Variants in PCM1 observed in about 807,000 individuals in gnomAD.
PCM1 encodes pericentriolar material 1 protein.
Under a neutral mutation model 241.9 loss-of-function variants are expected in PCM1, and 157 were observed. That is an observed-to-expected ratio of 0.65 (90% CI 0.57 to 0.74). The LOEUF (loss-of-function observed/expected upper bound fraction) is 0.74. Among genes scored for constraint, PCM1 ranks in the 30% least tolerant of loss-of-function variants. The pLI, the probability that PCM1 is intolerant of heterozygous loss-of-function variation, is 0.00. For synonymous variants in PCM1, 1,085 were observed against 784.9 expected (o/e 1.38, Z -6.39); for missense variants, 3,478 against 2,360.1 (o/e 1.47, Z -9.81).
chr8:18,024,784 AG>A (rs1375558814), intron 36 of PCM1, among the ~76,000 whole-genome samples: 1 of 152,208 alleles, frequency 6.6e-6, no homozygotes, highest in Non-Finnish European at 1.5e-5. Context: ...GAACAGGAGC[AG>A]GGTGAGAAAC....
chr8:18,003,113 T>C (rs1231539456), intron 29 of PCM1, among the ~76,000 whole-genome samples: 4 of 152,228 alleles, frequency 2.6e-5, no homozygotes, highest in Admixed American at 6.5e-5. Flanking sequence ...ACGCCACCTT[T>C]AACCTATGTA....
intron 10 of PCM1, chr8:17,956,043 A>C: frequency 4.1e-6 from 1 of 242,990 alleles, no homozygotes; most frequent in South Asian, 5.3e-5. Flanking sequence ...CCTCATCTGC[A>C]AAATAGGGAT....
chr8:18,024,786 G>A (rs2094043373), intron 36 of PCM1, among the ~76,000 whole-genome samples: 2 of 152,040 alleles, frequency 1.3e-5, no homozygotes, highest in Non-Finnish European at 2.9e-5. Flanking sequence ...ACAGGAGCAG[G>A]GTGAGAAACA....
chr8:17,940,299 G>A (rs902548855), intron 6 of PCM1: 3 of 506,012 alleles, frequency 5.9e-6, no homozygotes, highest in Admixed American at 6.9e-5. Context: ...AATGCTGTAT[G>A]TGTTCTTCTG....
Position 18,006,288 on chromosome 8 carries a change from C to T in PCM1, c.4853C>T (p.Ser1618Leu), listed in dbSNP as rs773017858. 3.7e-6 allele frequency: 6 copies of T among 1,610,352 alleles called. No individual in the cohort carries two copies. Among genetic ancestry groups the T allele is most frequent in the South Asian group, 1.1e-5 (1 of 90,848 alleles). ...GAGCACATGGATGAAGTATGCTCCT[C>T]GCAGCTTCTAACTTCAGTAAGGCGC... ...LKEHMDEVCS[S>L]QLLTSVRRMV... Residue 1618 changes from serine to leucine, a missense_variant, in exon 30 of 39, where the codon TCG (serine) becomes TTG (leucine). By Grantham distance (145) the Ser-to-Leu change is moderately radical. Transcript: ENST00000325083.
intron 36 of PCM1, among the ~76,000 whole-genome samples, chr8:18,022,734 C>A (rs2283113): frequency 0.61 from 92,110 of 152,062 alleles, 28,728 homozygotes; most frequent in Middle Eastern, 0.69. Flanking sequence ...GATTTAACAC[C>A]AATTAGGGAG....
At position 17,966,238 on chromosome 8, in the gene PCM1, T is replaced by A; in HGVS notation, c.3075+20T>A. 6.2e-7 allele frequency: 1 copy of A among 1,608,810 alleles called. No individual in the cohort carries two copies. The highest frequency in any genetic ancestry group is 8.5e-7 in the Non-Finnish European group (1 of 1,175,708). ...CAGCAGGTAAAATTTGCTATGAAAG[T>A]ATATTTTTCGTCTATTTTTATAACT... On this transcript the variant is annotated intron_variant, in intron 19 of 38. Coordinates refer to ENST00000325083, the MANE Select transcript of PCM1 (RefSeq NM_006197.4).
At chr8:18,015,186 T>TA (rs2093008424) in intron 36 of PCM1, among the ~76,000 whole-genome samples, 1 of 151,762 alleles carries the variant, frequency 6.6e-6, no homozygotes, top group African/African-American at 2.4e-5. Context: ...TCAATAAACT[T>TA]AAAGGTTTAC....
chr8:18,029,260 G>A lies in PCM1; in HGVS notation c.*1598G>A, dbSNP rs886197554. The A allele has an allele frequency of 1.0e-5, 2 of 193,200 alleles. No homozygotes were observed. The highest frequency in any genetic ancestry group is 6.1e-5 in the Admixed American group (1 of 16,394). 12.0% of individuals were successfully genotyped at this position (193,200 alleles called of 1,614,324 possible). A position where few individuals can be genotyped will look rare whatever the true frequency, so the allele number is the denominator to read the frequency against. On this transcript the variant is annotated 3_prime_UTR_variant, in exon 39 of 39. Transcript: ENST00000325083. Reference sequence around the variant, plus strand: ...GGATTTCCCTGCGAGGACATTTACTGTATTGCTACTTAAATTATGGAAGAC... The same window carrying A: ...GGATTTCCCTGCGAGGACATTTACTATATTGCTACTTAAATTATGGAAGAC...
intron 2 of PCM1, among the ~76,000 whole-genome samples, chr8:17,932,229 T>C (rs541404966): frequency 3.9e-5 from 6 of 152,290 alleles, no homozygotes; most frequent in African/African-American, 1.4e-4. Context: ...ATCACAATTA[T>C]AGCGTAATAA....
chr8:17,933,681 C>T (rs1368553785), intron 2 of PCM1, among the ~76,000 whole-genome samples: 1 of 152,028 alleles, frequency 6.6e-6, no homozygotes, highest in African/African-American at 2.4e-5. Context: ...TAAGTAGCAT[C>T]GTTTAAGTGG....
chr8:17,954,022 C>T (rs916723608), intron 9 of PCM1, among the ~76,000 whole-genome samples: 1 of 152,208 alleles, frequency 6.6e-6, no homozygotes, highest in African/African-American at 2.4e-5. Flanking sequence ...CACAAAAGAA[C>T]CTTAATATTC....
chr8:18,010,499 G>A, intron 31 of PCM1, 110 bp from the exon 32 acceptor site: 3 of 715,752 alleles, frequency 4.2e-6, no homozygotes, highest in Non-Finnish European at 4.6e-6. Flanking sequence ...AGTAATACAG[G>A]CCAGGCTTAG....
intron 24 of PCM1, among the ~76,000 whole-genome samples, chr8:17,981,682 A>G (rs900214868): frequency 6.6e-6 from 1 of 152,188 alleles, no homozygotes; most frequent in African/African-American, 2.4e-5. Flanking sequence ...ATTATTTTCA[A>G]ATTACCAACA....
intron 18 of PCM1, 70 bp from the exon 19 acceptor site, chr8:17,965,929 G>C (rs933134811): frequency 4.9e-5 from 50 of 1,027,700 alleles, no homozygotes; most frequent in Non-Finnish European, 6.9e-5. Flanking sequence ...CTGAGTATCA[G>C]AGTTTATTGC....
At chr8:17,978,660 A>T (rs1044919441) in intron 23 of PCM1, among the ~76,000 whole-genome samples, 9 of 152,184 alleles carry the variant, frequency 5.9e-5, no homozygotes, top group African/African-American at 1.9e-4. Context: ...ATACTAGTTT[A>T]TCCTATCTGA....
chr8:18,006,557 C>T (rs1382067861), intron 30 of PCM1, among the ~76,000 whole-genome samples, 160 bp downstream of exon 30: 1 of 151,948 alleles, frequency 6.6e-6, no homozygotes, highest in South Asian at 2.1e-4. Context: ...TTAGTTGTCA[C>T]TTGGTTAAAA....
At chr8:17,967,305 C>CTTTTTTTTT (rs71304948) in intron 21 of PCM1, 135 bp downstream of exon 21, 1 of 454,648 alleles carries the variant, frequency 2.2e-6, no homozygotes, top group African/African-American at 2.1e-5. Context: ...GTTACAAACT[C>CTTTTTTTTT]TTTTTTTTTT....
chr8:18,025,787 G>T, intron 38 of PCM1, 129 bp downstream of exon 38: 2 of 593,764 alleles, frequency 3.4e-6, no homozygotes, highest in Non-Finnish European at 5.9e-6. Context: ...GAAAGAAAGT[G>T]TAATTCTGTA....
Sources: gnomAD v4.1 joint callset for allele counts (sites outside exome capture counted in the v4.1 genomes callset) on GRCh38, gnomAD v4.1.1 for gene constraint, MANE v1.5 for transcripts, NCBI Gene and HGNC (gene_info 2026-07-23, HGNC 2026-07-21) for gene names.